Variants in GOLGA3 observed in about 807,000 individuals in gnomAD.
GOLGA3 encodes the protein golgin subfamily A member 3.
GOLGA3 carries 75 observed loss-of-function variants against 169.4 expected under a neutral mutation model. That is an observed-to-expected ratio of 0.44 (90% confidence interval 0.37 to 0.54). GOLGA3 has a LOEUF of 0.54. Ranked by LOEUF, GOLGA3 falls within the 20% of genes least tolerant of loss-of-function variation. GOLGA3 has a pLI of 0.00. For missense variants in GOLGA3, 1,899 were observed against 1,930.0 expected, an observed-to-expected ratio of 0.98 and a Z score of 0.30; for synonymous variants, 824 against 822.4, an observed-to-expected ratio of 1.00 and a Z score of -0.03.
In GOLGA3 at chr12:132,771,972, C is replaced by T. The variant is rs1359103788; in HGVS notation, c.*1133G>A. ...TGACCAAGGGTCCAAGCTGCCCCTT[C>T]CCAGTGGCCAGCCACGGTGGAATCA... On this transcript the variant is annotated 3_prime_UTR_variant, in exon 24 of 24. Transcript: ENST00000450791. 1 of 152,290 alleles carries T rather than the reference C, an allele frequency of 6.6e-6. No homozygotes were observed. The highest frequency in any genetic ancestry group is 1.5e-5 in the Non-Finnish European group (1 of 68,082). 9.4% of individuals were successfully genotyped at this position (152,290 alleles called of 1,614,324 possible). A position where few individuals can be genotyped will look rare whatever the true frequency, so the allele number is the denominator to read the frequency against.
chr12:132,779,475 C>T (rs1022906954), intron 18 of GOLGA3, among the ~76,000 whole-genome samples: 7 of 152,182 alleles, frequency 4.6e-5, no homozygotes, highest in African/African-American at 1.7e-4. Flanking sequence ...ATCTCAATTA[C>T]ATTATCATAG....
In GOLGA3 at chr12:132,801,872, C is replaced by G. The variant is rs1293987340; in HGVS notation, c.1695G>C (p.Gln565His). ...TTLTSKLKAS[Q>H]AEISSLQSVR... is the part of the protein sequence containing the mutation. Reference sequence around the variant, plus strand: ...CACTCTGCAGGGACGAGATCTCCGCCTGCGACGCCTTCAGCTTGCTGGTCA... The same window carrying G: ...CACTCTGCAGGGACGAGATCTCCGCGTGCGACGCCTTCAGCTTGCTGGTCA... The change falls in exon 8 of 24, where the codon CAG becomes CAC. Residue 565 changes from glutamine to histidine, a missense_variant. Physicochemically the swap from Gln to His is conservative, Grantham distance 24 (BLOSUM62 0). Transcript: ENST00000450791. The G allele has an allele frequency of 4.4e-6, 7 of 1,605,084 alleles. No homozygotes were observed. In the South Asian group the frequency reaches 7.7e-5, roughly 18 times the overall value.
Position 132,822,325 on chromosome 12 carries a change from G to C in GOLGA3, c.-183-14C>G, listed in dbSNP as rs1041069150. 9 of 1,283,016 alleles carry C rather than the reference G, an allele frequency of 7.0e-6. No individual in the cohort carries two copies. The highest frequency in any genetic ancestry group is 9.0e-6 in the Non-Finnish European group (9 of 1,001,666). 79.5% of individuals were successfully genotyped at this position (1,283,016 alleles called of 1,614,324 possible). A position where few individuals can be genotyped will look rare whatever the true frequency, so the allele number is the denominator to read the frequency against. ...ATATCATGATACCTGACAGGAGAGA[G>C]AGACAAAATGTATTATGAAACTTGT... On this transcript the variant is annotated splice_polypyrimidine_tract_variant and intron_variant, in intron 1 of 23. Transcript: ENST00000450791.
intron 13 of GOLGA3, 102 bp downstream of exon 13, chr12:132,788,925 C>CCCCCCAGACACAG: frequency 1.2e-6 from 1 of 831,050 alleles, no homozygotes; most frequent in Non-Finnish European, 1.7e-6. Flanking sequence ...AGACAGACCC[C>CCCCCCAGACACAG]GCCCCAGACA....
intron 3 of GOLGA3, 29 bp downstream of exon 3, chr12:132,816,511 G>C: frequency 6.2e-7 from 1 of 1,604,474 alleles, no homozygotes; most frequent in Non-Finnish European, 8.5e-7. Flanking sequence ...GACGTGGAGG[G>C]TGGGAAAAGC....
At chr12:132,775,032 G>T (rs1160163232) in intron 22 of GOLGA3, 109 bp downstream of exon 22, 2 of 899,922 alleles carry the variant, frequency 2.2e-6, no homozygotes, top group Non-Finnish European at 3.4e-6. Flanking sequence ...CTCAGTGTGG[G>T]CTCAACAAAT....
rs148373097 is a variant in GOLGA3, at chr12:132,801,906, C to T, written c.1661G>A (p.Arg554Gln). Residue 554 changes from arginine to glutamine, a missense_variant, in exon 8 of 24, where the codon CGG becomes CAG. Arg to Gln is a conservative substitution (Grantham distance 43). Transcript: ENST00000450791. Reference protein sequence around the residue: ...QSQLQQVQLERTTLTSKLKAS... With the variant: ...QSQLQQVQLEQTTLTSKLKAS... ...CTTCAGCTTGCTGGTCAGCGTCGTC[C>T]GCTCCAGCTGCACCTGCTGAAGCTG... is the stretch of plus-strand genomic sequence containing the variant. 5.0e-6 allele frequency: 8 copies of T among 1,602,490 alleles called. No homozygotes were observed. The highest frequency in any genetic ancestry group is 2.2e-5 in the East Asian group (1 of 44,854).
intron 1 of GOLGA3, among the ~76,000 whole-genome samples, chr12:132,824,407 A>G (rs1355569157): frequency 2.0e-5 from 3 of 152,238 alleles, no homozygotes; most frequent in African/African-American, 7.2e-5. Flanking sequence ...CAGAATATTA[A>G]AAGGTTACGT....
At chr12:132,812,529 G>A (rs1264142825) in intron 4 of GOLGA3, among the ~76,000 whole-genome samples, 2 of 152,026 alleles carry the variant, frequency 1.3e-5, no homozygotes, top group Non-Finnish European at 2.9e-5. Flanking sequence ...TGGGTGGAGG[G>A]GTCAAAATAT....
intron 9 of GOLGA3, 24 bp from the exon 10 acceptor site, chr12:132,796,724 A>T: frequency 6.2e-7 from 1 of 1,610,876 alleles, no homozygotes; most frequent in South Asian, 1.1e-5. Context: ...ACTTGTTTTT[A>T]AAAAGGCAGG....
chr12:132,797,676 C>T (rs1288679116), intron 9 of GOLGA3, among the ~76,000 whole-genome samples: 1 of 151,900 alleles, frequency 6.6e-6, no homozygotes, highest in Non-Finnish European at 1.5e-5. Context: ...CGCACCACTG[C>T]ACTCCACCCT....
intron 6 of GOLGA3, among the ~76,000 whole-genome samples, chr12:132,806,239 A>G (rs1402935315): frequency 1.3e-5 from 2 of 152,210 alleles, no homozygotes; most frequent in African/African-American, 4.8e-5. Flanking sequence ...CGAAGGACCA[A>G]TCAGTGATCC....
At chr12:132,817,195 C>T (rs1468416205) in intron 2 of GOLGA3, among the ~76,000 whole-genome samples, 1 of 142,558 alleles carries the variant, frequency 7.0e-6, no homozygotes, top group African/African-American at 2.7e-5. Flanking sequence ...CTCCACACCT[C>T]CACGCTCTAA....
chr12:132,826,871 T>A (rs996173958), intron 1 of GOLGA3, among the ~76,000 whole-genome samples: 2 of 152,174 alleles, frequency 1.3e-5, no homozygotes, highest in African/African-American at 4.8e-5. Context: ...CAACTGCCAG[T>A]GCATCACAGA....
intron 8 of GOLGA3, among the ~76,000 whole-genome samples, chr12:132,798,749 A>G (rs538324419): frequency 6.6e-6 from 1 of 152,296 alleles, no homozygotes; most frequent in East Asian, 1.9e-4. Context: ...GACCTACCCA[A>G]AAGTCCCCAT....
chr12:132,784,296 C>T lies in GOLGA3; in HGVS notation c.3135G>A (p.Gln1045=). 6.2e-7 allele frequency: 1 copy of T among 1,607,768 alleles called. No individual in the cohort carries two copies. Among genetic ancestry groups the T allele is most frequent in the Non-Finnish European group, 8.5e-7 (1 of 1,179,566 alleles). The change falls in exon 16 of 24, where the codon CAG becomes CAA. Residue 1045 remains glutamine (Q), a synonymous_variant. Transcript: ENST00000450791. The part of the protein sequence containing the change: ...DSSLALHERI[Q]ALEAELQAVS... ...CAGCCTGCAGCTCCGCCTCCAGGGC[C>T]TGGATCCTTTCCTAAGGGCCAAGAT...
chr12:132,780,701 C>T (rs1198739364), intron 18 of GOLGA3, 97 bp downstream of exon 18: 5 of 782,382 alleles, frequency 6.4e-6, no homozygotes, highest in African/African-American at 1.7e-5. Flanking sequence ...CTCTGTGTAA[C>T]TGCTGGAAGG....
chr12:132,781,608 T>C (rs529702063), intron 17 of GOLGA3, among the ~76,000 whole-genome samples: 1 of 151,994 alleles, frequency 6.6e-6, no homozygotes, highest in South Asian at 2.1e-4. Flanking sequence ...AAAAACTACA[T>C]ACAAATCAGG....
chr12:132,798,252 A>G, intron 9 of GOLGA3, 88 bp downstream of exon 9: 5 of 1,268,978 alleles, frequency 3.9e-6, no homozygotes, highest in Non-Finnish European at 5.4e-6. Flanking sequence ...AGATACACAC[A>G]GAGAGACGGA....
Sources: allele counts gnomAD v4.1 joint callset (sites outside exome capture counted in the v4.1 genomes callset), GRCh38; gene constraint gnomAD v4.1.1; transcripts MANE v1.5; gene names NCBI Gene and HGNC (gene_info 2026-07-23, HGNC 2026-07-21).